The following RADX variants were observed in gnomAD, a reference collection of about 807,000 sequenced individuals.
The protein encoded by RADX is RPA-related protein RADX.
In RADX, 36 loss-of-function variants were observed where a neutral mutation model predicts 61.6. That is an observed-to-expected ratio of 0.58 (90% CI 0.45 to 0.77). The LOEUF is 0.77. Among genes scored for constraint, RADX ranks in the 30% least tolerant of loss-of-function variants. The pLI is 0.00. For missense variants in RADX, 497 were observed against 651.1 expected (o/e 0.76, Z 2.58); for synonymous variants, 272 against 237.9 (o/e 1.14, Z -1.32).
intron 8 of RADX, 66 bp downstream of exon 8, chrX:106,637,990 C>G: frequency 1.1e-6 from 1 of 897,560 alleles, no homozygotes; most frequent in Non-Finnish European, 1.6e-6. Context: ...TATGCTATTT[C>G]AATTAGTCAT....
chrX:106,634,230 G>A (rs1207789329), intron 6 of RADX, among the ~76,000 whole-genome samples: 4 of 111,205 alleles, frequency 3.6e-5, no homozygotes, highest in Non-Finnish European at 7.5e-5. Flanking sequence ...CTACCTCCCA[G>A]GTTCAAATGA....
intron 13 of RADX, among the ~76,000 whole-genome samples, chrX:106,675,004 CAG>C (rs1928471805): frequency 9.8e-6 from 1 of 101,801 alleles, no homozygotes; most frequent in African/African-American, 3.9e-5. Flanking sequence ...AGCCTGGCAA[CAG>C]AGCGAGACTC....
chrX:106,636,873 G>T (rs1031400699), intron 7 of RADX, among the ~76,000 whole-genome samples: 2 of 111,651 alleles, frequency 1.8e-5, no homozygotes, highest in African/African-American at 3.2e-5. Context: ...GTGGAAAATT[G>T]CATTTATATC....
chrX:106,629,111 C>T (rs764984543), intron 3 of RADX, among the ~76,000 whole-genome samples: 7 of 104,887 alleles, frequency 6.7e-5, no homozygotes, highest in Non-Finnish European at 1.1e-4. Context: ...ATAATACACC[C>T]TTTAAAATCT....
intron 12 of RADX, among the ~76,000 whole-genome samples, chrX:106,667,859 TTTC>T (rs1416095877): frequency 9.0e-6 from 1 of 111,690 alleles, no homozygotes; most frequent in Non-Finnish European, 1.9e-5. Flanking sequence ...AATGCAGTGT[TTTC>T]TTTTTATTAA....
At position 106,637,782 on chromosome X, in the gene RADX, G is replaced by A. The variant is rs373035432; in HGVS notation, c.1431G>A (p.Thr477=). 6 of 1,205,120 alleles carry A rather than the reference G, an allele frequency of 5.0e-6. No individual in the cohort carries two copies. Among genetic ancestry groups the A allele is most frequent in the Middle Eastern group, 2.3e-4 (1 of 4,357 alleles). ...GAGGTCATAGAGGCCAGCCGTATAC[G>A]TATGATGCCAAGGTAAAAAACTTTA... ...FITGHRGQPY[T]YDAKVKNFIQ... is the part of the protein sequence containing the mutation. Residue 477 remains threonine (T), a synonymous_variant, in exon 8 of 14, where the codon ACG becomes ACA. Coordinates refer to ENST00000372548, the MANE Select transcript of RADX (RefSeq NM_018015.6).
At chrX:106,633,369 C>T (rs1389582627) in intron 6 of RADX, 117 bp downstream of exon 6, 1 of 553,129 alleles carries the variant, frequency 1.8e-6, no homozygotes, top group Non-Finnish European at 2.8e-6. Context: ...TTCAAGCAGT[C>T]TGACAGCATG....
rs773084276 is a variant in RADX, at chrX:106,663,485, CCAT to C, written c.2269+1183_2269+1185del. On this transcript the variant is annotated intron_variant, in intron 12 of 13. Coordinates refer to ENST00000372548, the MANE Select transcript of RADX (RefSeq NM_018015.6). Reference sequence around the variant, plus strand: ...CAAAAATTATAGCAAAATTTCCCATCCATCAAAAAAATAATAATCATGGATAAT... The same window carrying C: ...CAAAAATTATAGCAAAATTTCCCATCCAAAAAAATAATAATCATGGATAAT... Among the ~76,000 whole-genome samples, 3 of 111,107 alleles carry C rather than the reference CCAT, an allele frequency of 2.7e-5. No homozygotes were observed. The South Asian group carries it at 1.1e-3, about 42-fold the overall frequency.
chrX:106,675,764 G>A (rs185570881), intron 13 of RADX, among the ~76,000 whole-genome samples: 283 of 111,945 alleles, frequency 2.5e-3, no homozygotes, highest in African/African-American at 8.9e-3. Flanking sequence ...AGAGTAGCTC[G>A]TTTTATTAGG....
intron 13 of RADX, among the ~76,000 whole-genome samples, chrX:106,675,938 C>T (rs943774333): frequency 1.8e-5 from 2 of 111,304 alleles, no homozygotes; most frequent in African/African-American, 6.5e-5. Context: ...CCTCAAAATA[C>T]CCTATGATGT....
rs188004080 is a variant in RADX at position 106,648,107 on chromosome X, T to A, written c.1905-206T>A. On this transcript the variant is annotated intron_variant, in intron 10 of 13. Transcript: ENST00000372548. ...CCTTTTATGGAATAATCTTTAAAAT[T>A]TAAATCTATTGCAGTATTTGAGTTG... is the stretch of plus-strand genomic sequence containing the variant. 3.6e-5 allele frequency among the ~76,000 whole-genome samples: 4 copies of A among 111,703 alleles called. No homozygotes were observed. In the East Asian group the frequency reaches 1.1e-3, roughly 31 times the overall value.
intron 11 of RADX, among the ~76,000 whole-genome samples, chrX:106,660,550 G>A (rs1188905820): frequency 8.9e-6 from 1 of 112,092 alleles, no homozygotes; most frequent in Non-Finnish European, 1.9e-5. Flanking sequence ...GGTTTTTTAT[G>A]CTAGGATAAG....
intron 3 of RADX, among the ~76,000 whole-genome samples, chrX:106,632,160 GATAA>G (rs745750317): frequency 3.5e-4 from 39 of 111,973 alleles, no homozygotes; most frequent in African/African-American, 1.3e-3. Flanking sequence ...CACAATAATG[GATAA>G]ATAAATTTTA....
intron 1 of RADX, among the ~76,000 whole-genome samples, chrX:106,618,080 G>A (rs747416470): frequency 1.7e-4 from 19 of 111,835 alleles, no homozygotes; most frequent in African/African-American, 5.2e-4. Flanking sequence ...AGATATTACC[G>A]TCTCAGTAAA....
chrX:106,631,255 C>A (rs980752148), intron 3 of RADX, among the ~76,000 whole-genome samples: 2 of 111,736 alleles, frequency 1.8e-5, no homozygotes, highest in African/African-American at 6.5e-5. Context: ...AAAGACAATT[C>A]AACAATTCAA....
At chrX:106,662,601 T>G (rs1928127567) in intron 12 of RADX, among the ~76,000 whole-genome samples, 1 of 109,589 alleles carries the variant, frequency 9.1e-6, no homozygotes, top group Non-Finnish European at 1.9e-5. Context: ...CTGTTCTCCC[T>G]TAGCCACCAC....
intron 8 of RADX, chrX:106,638,267 CTTT>C (rs746231371): frequency 1.2e-4 from 14 of 121,272 alleles, no homozygotes; most frequent in South Asian, 4.7e-4. Flanking sequence ...CCTGAAACTT[CTTT>C]TTTTTTTTTT....
intron 13 of RADX, among the ~76,000 whole-genome samples, chrX:106,671,791 C>T (rs1194912611): frequency 2.8e-5 from 3 of 107,943 alleles, no homozygotes; most frequent in Non-Finnish European, 5.7e-5. Context: ...ATTTCTTGGC[C>T]ATTTATATGT....
intron 8 of RADX, 121 bp downstream of exon 8, chrX:106,638,045 T>C: frequency 1.8e-6 from 1 of 549,210 alleles, no homozygotes; most frequent in East Asian, 3.6e-5. Context: ...TTTAGCAACA[T>C]TCACCGATAA....
Sources: gnomAD v4.1 joint callset for allele counts (sites outside exome capture counted in the v4.1 genomes callset) on GRCh38, gnomAD v4.1.1 for gene constraint, MANE v1.5 for transcripts, NCBI Gene and HGNC (gene_info 2026-07-23, HGNC 2026-07-21) for gene names.